The following NLGN1 variants were observed in gnomAD, a reference collection of about 807,000 sequenced individuals.
The protein encoded by NLGN1 is neuroligin 1, also known as neuroligin-1.
In NLGN1, 12 loss-of-function variants were observed where a neutral mutation model predicts 65.5. The observed-to-expected ratio is 0.18, with a 90% CI of 0.12 to 0.30. The LOEUF is 0.30. Among genes scored for constraint, NLGN1 ranks in the 10% least tolerant of loss-of-function variants. NLGN1 has a pLI of 1.00. For missense variants in NLGN1, 750 were observed against 1,007.1 expected, an observed-to-expected ratio of 0.74 and a Z score of 3.46; for synonymous variants, 350 against 359.5, an observed-to-expected ratio of 0.97 and a Z score of 0.30.
At chr3:173,422,601 A>G (rs536478642) in intron 1 of NLGN1, among the ~76,000 whole-genome samples, 1 of 152,096 alleles carries the variant, frequency 6.6e-6, no homozygotes, top group Non-Finnish European at 1.5e-5. Flanking sequence ...CAGTTTACAA[A>G]CCTTCCTCTT....
intron 4 of NLGN1, among the ~76,000 whole-genome samples, chr3:173,872,404 G>A (rs1311299291): frequency 6.6e-6 from 1 of 152,162 alleles, no homozygotes; most frequent in Non-Finnish European, 1.5e-5. Flanking sequence ...TAGCTTCTTG[G>A]CCATGTTCCC....
At chr3:173,989,649 C>A (rs1378760108) in intron 4 of NLGN1, among the ~76,000 whole-genome samples, 1 of 152,128 alleles carries the variant, frequency 6.6e-6, no homozygotes, top group African/African-American at 2.4e-5. Flanking sequence ...TTCACAGTGG[C>A]TTAAACTAAA....
At chr3:173,917,491 A>G (rs1324594596) in intron 4 of NLGN1, among the ~76,000 whole-genome samples, 2 of 152,212 alleles carry the variant, frequency 1.3e-5, no homozygotes, top group African/African-American at 4.8e-5. Flanking sequence ...TTTAATACAG[A>G]TACTGATACT....
chr3:173,526,328 T>C lies in NLGN1; in HGVS notation c.-320-77951T>C, dbSNP rs908267274. Among the ~76,000 whole-genome samples the C allele has an allele frequency of 5.4e-5, 7 of 129,532 alleles. No homozygotes were observed. The Middle Eastern group carries it at 0.011, about 207-fold the overall frequency. 85.0% of individuals were successfully genotyped at this position (129,532 alleles called of 152,430 possible). A position where few individuals can be genotyped will look rare whatever the true frequency, so the allele number is the denominator to read the frequency against. On this transcript the variant is annotated intron_variant, in intron 2 of 6. Coordinates refer to ENST00000457714, the Ensembl canonical transcript of NLGN1. The stretch of plus-strand genomic sequence containing the variant: ...TCATTATATAATGCCTTTCCTTGTC[T>C]TTTTTTTTAACTGTTGTTGGCTTAA...
intron 4 of NLGN1, among the ~76,000 whole-genome samples, chr3:174,042,143 GT>G: frequency 6.6e-6 from 1 of 152,162 alleles, no homozygotes; most frequent in East Asian, 1.9e-4. Context: ...TCAGATATAT[GT>G]TTCACAGATA....
At chr3:173,776,101 A>C (rs774403444) in intron 3 of NLGN1, among the ~76,000 whole-genome samples, 1 of 152,046 alleles carries the variant, frequency 6.6e-6, no homozygotes, top group Non-Finnish European at 1.5e-5. Context: ...AAAATGCCCG[A>C]CTAGTATTTT....
Position 173,517,846 on chromosome 3 carries a change from C to T in NLGN1, c.-321+82768C>T, listed in dbSNP as rs527870489. Among the ~76,000 whole-genome samples the T allele has an allele frequency of 2.3e-4, 35 of 151,402 alleles. No homozygotes were observed. The East Asian group carries it at 6.6e-3, about 29-fold the overall frequency. On this transcript the variant is annotated intron_variant, in intron 2 of 6. Transcript: ENST00000457714. ...TCTCCATGGTGGTAATATAGCATGC[C>T]CTATTTTCTAAACCTTCATGAAGTT...
intron 3 of NLGN1, among the ~76,000 whole-genome samples, chr3:173,714,498 G>C (rs1048735931): frequency 6.6e-6 from 1 of 152,124 alleles, no homozygotes; most frequent in African/African-American, 2.4e-5. Context: ...GAAGTCAATT[G>C]AAGAAGACCT....
At chr3:173,643,912 T>C (rs1328568280) in intron 3 of NLGN1, among the ~76,000 whole-genome samples, 5 of 152,092 alleles carry the variant, frequency 3.3e-5, no homozygotes, top group African/African-American at 1.2e-4. Context: ...ATTTTAATTA[T>C]AAAAACATAC....
chr3:173,410,015 A>T (rs1168715386), intron 1 of NLGN1, among the ~76,000 whole-genome samples: 2 of 152,158 alleles, frequency 1.3e-5, no homozygotes, highest in African/African-American at 4.8e-5. Flanking sequence ...ATAAGGGGGA[A>T]AACAACCAAA....
chr3:174,256,137 C>T (rs1745709800), intron 4 of NLGN1, among the ~76,000 whole-genome samples: 1 of 152,098 alleles, frequency 6.6e-6, no homozygotes, highest in Non-Finnish European at 1.5e-5. Flanking sequence ...TCAGGAAGTT[C>T]ATTCATTTGT....
intron 4 of NLGN1, among the ~76,000 whole-genome samples, chr3:173,989,961 A>G (rs1278345099): frequency 6.6e-6 from 1 of 152,130 alleles, no homozygotes; most frequent in Non-Finnish European, 1.5e-5. Context: ...TCACCAGCTC[A>G]CTTACAGACA....
At chr3:174,186,039 G>A (rs547184477) in intron 4 of NLGN1, among the ~76,000 whole-genome samples, 80 of 152,072 alleles carry the variant, frequency 5.3e-4, no homozygotes, top group Middle Eastern at 3.4e-3. Flanking sequence ...CAGGGAGAGT[G>A]AAATGAGTGA....
At chr3:173,650,005 AAAAC>A (rs1310056463) in intron 3 of NLGN1, among the ~76,000 whole-genome samples, 1 of 152,096 alleles carries the variant, frequency 6.6e-6, no homozygotes, top group Non-Finnish European at 1.5e-5. Flanking sequence ...TTTTTGCAAA[AAAAC>A]CTAAATTTAT....
chr3:173,454,532 G>C (rs1157583760), intron 2 of NLGN1, among the ~76,000 whole-genome samples: 1 of 152,198 alleles, frequency 6.6e-6, no homozygotes, highest in African/African-American at 2.4e-5. Flanking sequence ...GTTGGTGGCA[G>C]CTTCTATGTC....
chr3:174,265,132 T>A (rs2152865549), intron 4 of NLGN1, among the ~76,000 whole-genome samples: 1 of 151,748 alleles, frequency 6.6e-6, no homozygotes, highest in East Asian at 2.0e-4. Flanking sequence ...GCTGTCTTTT[T>A]GTTTGTCTGT....
chr3:174,130,918 C>T, intron 4 of NLGN1, among the ~76,000 whole-genome samples: 1 of 152,124 alleles, frequency 6.6e-6, no homozygotes, highest in Non-Finnish European at 1.5e-5. Context: ...CATTCAGTTC[C>T]TGCCAAATAC....
chr3:173,919,778 CA>C (rs148330942), intron 4 of NLGN1, among the ~76,000 whole-genome samples: 6,414 of 151,988 alleles, frequency 0.042, 478 homozygotes, highest in African/African-American at 0.15. Flanking sequence ...AACATGCAAA[CA>C]AAAAATGTTC....
chr3:173,818,895 C>CTTTT lies in NLGN1; in HGVS notation c.646+11076_646+11079dup, dbSNP rs200212547. ...AATTTTGTTCTGCCTTTGAATAGTTCTTTTTTTTTTTTTTTTCCAGTAAGG... is the reference window on the plus strand; with the variant it reads ...AATTTTGTTCTGCCTTTGAATAGTTCTTTTTTTTTTTTTTTTTTTTCCAGTAAGG... On this transcript the variant is annotated intron_variant, in intron 4 of 6. Coordinates refer to ENST00000457714, the Ensembl canonical transcript of NLGN1. Among the ~76,000 whole-genome samples, 78 of 92,384 alleles carry CTTTT rather than the reference C, an allele frequency of 8.4e-4. 5 individuals carry two copies. Among genetic ancestry groups the CTTTT allele is most frequent in the African/African-American group, 1.5e-3 (31 of 21,220 alleles). The allele number at this position is 92,384 out of a possible 152,430, so 60.6% of individuals were successfully genotyped here.
Sources: gnomAD v4.1 joint callset for allele counts (sites outside exome capture counted in the v4.1 genomes callset) on GRCh38, gnomAD v4.1.1 for gene constraint, MANE v1.5 for transcripts, NCBI Gene and HGNC (gene_info 2026-07-23, HGNC 2026-07-21) for gene names.